Variants in TEX10 observed in about 807,000 individuals in gnomAD.
TEX10 encodes testis expressed 10.
Under a neutral mutation model 104.4 loss-of-function variants are expected in TEX10, and 24 were observed. The ratio of observed to expected loss-of-function variants is 0.23; its 90% confidence interval spans 0.17 to 0.32. The LOEUF is 0.32. Among genes scored for constraint, TEX10 ranks in the 10% least tolerant of loss-of-function variants. The pLI, the probability that TEX10 is intolerant of heterozygous loss-of-function variation, is 1.00. For synonymous variants in TEX10, 396 were observed against 393.4 expected, an observed-to-expected ratio of 1.01 and a Z score of -0.08; for missense variants, 921 against 1,083.9, an observed-to-expected ratio of 0.85 and a Z score of 2.11.
At chr9:100,343,801 T>TCA (rs1835233649) in intron 4 of TEX10, among the ~76,000 whole-genome samples, 1 of 152,144 alleles carries the variant, frequency 6.6e-6, no homozygotes, top group Non-Finnish European at 1.5e-5. Flanking sequence ...ATTCAGCTTG[T>TCA]GGTGTGTGAT....
intron 5 of TEX10, among the ~76,000 whole-genome samples, chr9:100,339,751 A>G (rs1178503543): frequency 6.6e-6 from 1 of 151,702 alleles, no homozygotes; most frequent in East Asian, 1.9e-4. Flanking sequence ...TGAGGTAGAC[A>G]TTTTAAATAA....
At chr9:100,321,851 T>C (rs543827711) in intron 9 of TEX10, 80 bp from the exon 10 acceptor site, 11 of 1,024,504 alleles carry the variant, frequency 1.1e-5, no homozygotes, top group Admixed American at 8.7e-5. Context: ...TATATAACCA[T>C]TGTTCTTTAC....
intron 12 of TEX10, among the ~76,000 whole-genome samples, chr9:100,308,921 TC>T (rs555716239): frequency 6.6e-6 from 1 of 152,158 alleles, no homozygotes; most frequent in African/African-American, 2.4e-5. Flanking sequence ...ATCCACTGCC[TC>T]CCCTTCATGA....
chr9:100,330,559 T>C (rs1834832297), intron 5 of TEX10, among the ~76,000 whole-genome samples: 1 of 152,208 alleles, frequency 6.6e-6, no homozygotes, highest in African/African-American at 2.4e-5. Flanking sequence ...TAACTAATCA[T>C]CTGACTTAAA....
chr9:100,349,484 A>T, intron 1 of TEX10, 112 bp from the exon 2 acceptor site: 1 of 630,572 alleles, frequency 1.6e-6, no homozygotes, highest in Non-Finnish European at 2.4e-6. Flanking sequence ...GTAATCAAGA[A>T]TCTGATTATG....
chr9:100,303,895 C>T (rs1387553127), intron 13 of TEX10, 53 bp from the exon 14 acceptor site: 4 of 1,560,974 alleles, frequency 2.6e-6, no homozygotes, highest in East Asian at 4.6e-5. Flanking sequence ...ACAGGAAAAG[C>T]CCCCCTTCTA....
intron 9 of TEX10, among the ~76,000 whole-genome samples, chr9:100,322,889 T>C (rs1418608890): frequency 2.0e-5 from 3 of 152,158 alleles, no homozygotes; most frequent in Admixed American, 6.5e-5. Flanking sequence ...GTTCTGGGAT[T>C]ACAGTTGTGA....
chr9:100,347,439 C>T lies in TEX10; in HGVS notation c.181-33G>A, dbSNP rs561479468. On this transcript the variant is annotated intron_variant, in intron 2 of 14. Transcript: ENST00000374902. Reference sequence around the variant, plus strand: ...TAAAAATACAAATTTTAGATGTATACTTATATACATGTATCAATTTCACGT... The same window carrying T: ...TAAAAATACAAATTTTAGATGTATATTTATATACATGTATCAATTTCACGT... 7.6e-6 allele frequency: 11 copies of T among 1,449,662 alleles called. No homozygotes were observed. The African/African-American group carries it at 1.3e-4, about 17-fold the overall frequency. 89.8% of individuals were successfully genotyped at this position (1,449,662 alleles called of 1,614,324 possible). A position where few individuals can be genotyped will look rare whatever the true frequency, so the allele number is the denominator to read the frequency against.
intron 5 of TEX10, among the ~76,000 whole-genome samples, chr9:100,336,421 G>C (rs1272508126): frequency 2.6e-5 from 4 of 152,080 alleles, no homozygotes; most frequent in African/African-American, 9.7e-5. Context: ...TATCAGTAGT[G>C]GCATTCGATT....
At chr9:100,334,954 C>T (rs923156316) in intron 5 of TEX10, among the ~76,000 whole-genome samples, 3 of 152,128 alleles carry the variant, frequency 2.0e-5, no homozygotes, top group African/African-American at 4.8e-5. Flanking sequence ...CGTGAGCCAC[C>T]GCGCCTGGCC....
intron 5 of TEX10, among the ~76,000 whole-genome samples, chr9:100,332,264 A>C (rs1228950930): frequency 6.6e-6 from 1 of 152,224 alleles, no homozygotes; most frequent in African/African-American, 2.4e-5. Context: ...AAGAGACAGT[A>C]AACACTGGGA....
Position 100,303,626 on chromosome 9 carries a change from T to G in TEX10, c.2676+6A>C, listed in dbSNP as rs779873416. 1 of 1,613,882 alleles carries G rather than the reference T, an allele frequency of 6.2e-7. No homozygotes were observed. Among genetic ancestry groups the G allele is most frequent in the Non-Finnish European group, 8.5e-7 (1 of 1,179,922 alleles). ...ACTGCAAAGCCTCCGGTACCATGCT[T>G]CTTACCGTGATATTCTTGATGATCT... On this transcript the variant is annotated splice_donor_region_variant and intron_variant, in intron 14 of 14. Coordinates refer to ENST00000374902, the MANE Select transcript of TEX10 (RefSeq NM_017746.4).
chr9:100,333,696 A>G (rs995035751), intron 5 of TEX10, among the ~76,000 whole-genome samples: 1 of 152,016 alleles, frequency 6.6e-6, no homozygotes, highest in Non-Finnish European at 1.5e-5. Context: ...CAAAGCTGGA[A>G]GACTCACACT....
intron 11 of TEX10, 53 bp downstream of exon 11, chr9:100,320,212 G>C: frequency 6.6e-7 from 1 of 1,513,664 alleles, no homozygotes; most frequent in South Asian, 1.3e-5. Context: ...ACTATTACTG[G>C]TTGATGAACT....
chr9:100,346,685 C>G lies in TEX10; in HGVS notation c.893+9G>C. 6.3e-7 allele frequency: 1 copy of G among 1,597,186 alleles called. No individual in the cohort carries two copies. The highest frequency in any genetic ancestry group is 8.5e-7 in the Non-Finnish European group (1 of 1,171,826). Reference sequence around the variant, plus strand: ...AAAACTGTGTGGACATAACTGAAATCCTTCTTACCGTAGCCTGAACTGTGA... The same window carrying G: ...AAAACTGTGTGGACATAACTGAAATGCTTCTTACCGTAGCCTGAACTGTGA... On this transcript the variant is annotated intron_variant, in intron 3 of 14. Transcript: ENST00000374902.
In TEX10 at chr9:100,339,278, TATATATATATATAC is replaced by T. The variant is rs1301997023; in HGVS notation, c.1250+965_1250+978del. On this transcript the variant is annotated intron_variant, in intron 5 of 14. Coordinates refer to ENST00000374902, the MANE Select transcript of TEX10 (RefSeq NM_017746.4). ...AAAAAAAAAAAAAAAAAAAAAAGTA[TATATATATATATAC>T]ATATATATATACACATATTTGTTTT... Among the ~76,000 whole-genome samples the T allele has an allele frequency of 3.4e-5, 4 of 118,370 alleles. No individual in the cohort carries two copies. In the Admixed American group the frequency reaches 3.5e-4, roughly 10 times the overall value. 77.7% of individuals were successfully genotyped at this position (118,370 alleles called of 152,430 possible).
intron 2 of TEX10, among the ~76,000 whole-genome samples, chr9:100,347,808 G>A (rs1411354815): frequency 6.6e-6 from 1 of 151,882 alleles, no homozygotes; most frequent in Admixed American, 6.6e-5. Context: ...TTTATTCAGA[G>A]TATACTACCT....
chr9:100,341,503 T>C (rs1460263113), intron 4 of TEX10, among the ~76,000 whole-genome samples: 1 of 103,110 alleles, frequency 9.7e-6, no homozygotes, highest in Non-Finnish European at 1.8e-5. Flanking sequence ...TTGGGCGATG[T>C]AACACTGGCA....
At position 100,341,940 on chromosome 9, in the gene TEX10, C is replaced by A. The variant is rs369520450; in HGVS notation, c.1138-1571G>T. 7.9e-5 allele frequency among the ~76,000 whole-genome samples: 12 copies of A among 152,326 alleles called. No individual in the cohort carries two copies. In the South Asian group the frequency reaches 2.5e-3, roughly 32 times the overall value. ...TGCCACTCCTCTGCTCAAAACCCTC[C>A]AGTGGTCTTTTCGCCACACTCAGGT... On this transcript the variant is annotated intron_variant, in intron 4 of 14. Transcript: ENST00000374902.
Sources: gnomAD v4.1 joint callset for allele counts (sites outside exome capture counted in the v4.1 genomes callset) on GRCh38, gnomAD v4.1.1 for gene constraint, MANE v1.5 for transcripts, NCBI Gene and HGNC (gene_info 2026-07-23, HGNC 2026-07-21) for gene names.